The following SCML4 variants were observed in gnomAD, a reference collection of about 807,000 sequenced individuals.
The protein encoded by SCML4 is sex comb on midleg-like protein 4.
SCML4 carries 34 observed loss-of-function variants against 41.1 expected under a neutral mutation model. The ratio of observed to expected loss-of-function variants is 0.83; its 90% CI spans 0.63 to 1.10. The LOEUF (loss-of-function observed/expected upper bound fraction) is 1.10. SCML4 is among the 50% of genes least tolerant of loss of function. SCML4 has a pLI of 0.00. For synonymous variants in SCML4, 214 were observed against 220.9 expected (o/e 0.97, Z 0.28); for missense variants, 522 against 534.1 (o/e 0.98, Z 0.22).
At chr6:107,762,058 G>GA (rs1288893144) in intron 2 of SCML4, among the ~76,000 whole-genome samples, 6 of 151,872 alleles carry the variant, frequency 4.0e-5, no homozygotes, top group African/African-American at 1.5e-4. Context: ...GGCTAAAAAA[G>GA]AAAAAATTAA....
At chr6:107,819,829 T>A (rs1051442146) in intron 1 of SCML4, among the ~76,000 whole-genome samples, 1 of 152,198 alleles carries the variant, frequency 6.6e-6, no homozygotes, top group Non-Finnish European at 1.5e-5. Flanking sequence ...CCGGGAAATA[T>A]GCAATGTGGA....
intron 1 of SCML4, among the ~76,000 whole-genome samples, chr6:107,808,105 G>C (rs1188295646): frequency 6.6e-6 from 1 of 152,106 alleles, no homozygotes; most frequent in Non-Finnish European, 1.5e-5. Flanking sequence ...CTGTCTGACT[G>C]CCTGCTTCTG....
intron 3 of SCML4, among the ~76,000 whole-genome samples, chr6:107,749,307 G>A (rs1051028449): frequency 6.6e-6 from 1 of 152,056 alleles, no homozygotes; most frequent in Non-Finnish European, 1.5e-5. Context: ...AGGAAATCTG[G>A]AAGAGCAAAC....
At chr6:107,771,628 C>A (rs1030348388) in intron 2 of SCML4, among the ~76,000 whole-genome samples, 9 of 152,164 alleles carry the variant, frequency 5.9e-5, no homozygotes, top group Admixed American at 1.3e-4. Context: ...ACATCAGCAC[C>A]TTTTAGAAGT....
intron 5 of SCML4, among the ~76,000 whole-genome samples, chr6:107,726,173 G>C (rs1341621690): frequency 6.6e-6 from 1 of 151,726 alleles, no homozygotes; most frequent in Non-Finnish European, 1.5e-5. Flanking sequence ...TCAGGGACTT[G>C]TATATCTTGT....
chr6:107,749,570 G>T, intron 3 of SCML4, 114 bp downstream of exon 3: 3 of 1,246,482 alleles, frequency 2.4e-6, no homozygotes, highest in Non-Finnish European at 3.5e-6. Flanking sequence ...ACACTAAATC[G>T]CTCATTTGAG....
intron 6 of SCML4, chr6:107,720,443 T>G: frequency 1.7e-6 from 2 of 1,156,048 alleles, no homozygotes; most frequent in African/African-American, 1.6e-5. Context: ...ATTTCTATGG[T>G]ATTTGAGCCT....
At chr6:107,719,945 A>T in intron 6 of SCML4, 2 of 985,496 alleles carry the variant, frequency 2.0e-6, no homozygotes, top group South Asian at 9.4e-5. Context: ...AGGGCCTTCA[A>T]GCTATTACTA....
At chr6:107,789,409 C>T (rs1386163929) in intron 1 of SCML4, among the ~76,000 whole-genome samples, 1 of 152,178 alleles carries the variant, frequency 6.6e-6, no homozygotes, top group South Asian at 2.1e-4. Flanking sequence ...CTCCCCACTG[C>T]CCCGCATAAA....
At chr6:107,707,353 G>A (rs1372822744) in intron 7 of SCML4, among the ~76,000 whole-genome samples, 1 of 133,524 alleles carries the variant, frequency 7.5e-6, no homozygotes, top group Non-Finnish European at 1.6e-5. Context: ...AGCCTGGCAG[G>A]TAAATTATTG....
At chr6:107,771,926 C>T (rs1302999942) in intron 2 of SCML4, among the ~76,000 whole-genome samples, 1 of 152,224 alleles carries the variant, frequency 6.6e-6, no homozygotes, top group Non-Finnish European at 1.5e-5. Flanking sequence ...AATCTACTCA[C>T]TCACAACTTT....
chr6:107,783,600 C>A (rs1374930443), intron 1 of SCML4, among the ~76,000 whole-genome samples: 1 of 30,408 alleles, frequency 3.3e-5, no homozygotes, highest in Non-Finnish European at 6.3e-5. Flanking sequence ...AGGTGCTGGT[C>A]TGAGTTTGCC....
chr6:107,796,305 C>T (rs1374697954), intron 1 of SCML4, among the ~76,000 whole-genome samples: 1 of 152,186 alleles, frequency 6.6e-6, no homozygotes. Flanking sequence ...GGGCCAGTTG[C>T]TCCATATCCT....
intron 5 of SCML4, among the ~76,000 whole-genome samples, chr6:107,738,055 A>C (rs955068993): frequency 2.6e-5 from 4 of 152,182 alleles, no homozygotes; most frequent in Admixed American, 6.5e-5. Context: ...AAGCATATTT[A>C]TACTTGGGTC....
intron 2 of SCML4, among the ~76,000 whole-genome samples, chr6:107,751,837 T>C (rs1039505897): frequency 6.6e-5 from 10 of 152,070 alleles, no homozygotes; most frequent in African/African-American, 2.4e-4. Flanking sequence ...GCTTTCACCA[T>C]GTTGGCCAGG....
At chr6:107,835,453 C>A in the SCML4 span, among the ~76,000 whole-genome samples, 2 of 151,862 alleles carry the variant, frequency 1.3e-5, no homozygotes, top group African/African-American at 4.8e-5. Flanking sequence ...AAAAATACAA[C>A]AGTAAGCTGG....
chr6:107,741,208 A>G (rs892562157), intron 5 of SCML4, among the ~76,000 whole-genome samples: 2 of 152,212 alleles, frequency 1.3e-5, no homozygotes, highest in Non-Finnish European at 2.9e-5. Context: ...CCCAGAACTC[A>G]AATATGAAGA....
chr6:107,822,691 A>G (rs927384375), intron 1 of SCML4, among the ~76,000 whole-genome samples: 1 of 152,050 alleles, frequency 6.6e-6, no homozygotes, highest in African/African-American at 2.4e-5. Context: ...CAATTTAAAG[A>G]GCTAAAGAAA....
At chr6:107,804,777 G>C (rs1783596813) in intron 1 of SCML4, among the ~76,000 whole-genome samples, 7 of 152,166 alleles carry the variant, frequency 4.6e-5, no homozygotes, top group South Asian at 4.1e-4. Flanking sequence ...AGGAGTTTGA[G>C]ACCAGCCTGG....
Sources: gnomAD v4.1 joint callset for allele counts (sites outside exome capture counted in the v4.1 genomes callset) on GRCh38, gnomAD v4.1.1 for gene constraint, MANE v1.5 for transcripts, NCBI Gene and HGNC (gene_info 2026-07-23, HGNC 2026-07-21) for gene names.